The following C3orf20 variants were observed in gnomAD, a reference collection of about 807,000 sequenced individuals.
C3orf20 encodes uncharacterized protein C3orf20.
C3orf20 carries 76 observed loss-of-function variants against 88.3 expected under a neutral mutation model. That is an observed-to-expected ratio of 0.86 (90% CI 0.72 to 1.04). The LOEUF is 1.04. Among genes scored for constraint, C3orf20 ranks in the 50% least tolerant of loss-of-function variants. The pLI is 0.00. For missense variants in C3orf20, 1,056 were observed against 1,123.3 expected (o/e 0.94, Z 0.86); for synonymous variants, 436 against 437.4 (o/e 1.00, Z 0.04).
chr3:14,692,814 C>T (rs866361206), intron 5 of C3orf20, among the ~76,000 whole-genome samples: 3 of 152,140 alleles, frequency 2.0e-5, no homozygotes, highest in Non-Finnish European at 4.4e-5. Context: ...CCCACTCCAA[C>T]GTCCTGGAGA....
chr3:14,753,100 A>G (rs2035265614), intron 12 of C3orf20, among the ~76,000 whole-genome samples: 1 of 152,230 alleles, frequency 6.6e-6, no homozygotes, highest in Non-Finnish European at 1.5e-5. Context: ...GACATCCATC[A>G]ATAATAGACT....
intron 3 of C3orf20, among the ~76,000 whole-genome samples, chr3:14,683,696 T>G (rs1308885232): frequency 6.6e-6 from 1 of 151,648 alleles, no homozygotes; most frequent in South Asian, 2.1e-4. Context: ...GCCAATATGG[T>G]GAAACCCTGA....
intron 7 of C3orf20, among the ~76,000 whole-genome samples, chr3:14,709,444 T>G (rs1194465572): frequency 1.3e-5 from 2 of 152,224 alleles, no homozygotes; most frequent in African/African-American, 4.8e-5. Flanking sequence ...GTCTTGTTCT[T>G]TATATTAGAG....
In C3orf20 at chr3:14,734,494, G is replaced by A. The variant is rs113329194; in HGVS notation, c.1940+5806G>A. On this transcript the variant is annotated intron_variant, in intron 12 of 16. Coordinates refer to ENST00000253697, the MANE Select transcript of C3orf20 (RefSeq NM_032137.5). ...GTGTGTAACGTAATTATACCATTTC[G>A]GGATTGTCTAGTTATCATTTTTTCT... Among the ~76,000 whole-genome samples, 1,050 of 151,914 alleles carry A rather than the reference G, an allele frequency of 6.9e-3. 9 individuals carry two copies. The highest frequency in any genetic ancestry group is 0.023 in the African/African-American group (972 of 41,432).
intron 7 of C3orf20, 84 bp downstream of exon 7, chr3:14,704,702 C>T (rs2033427033): frequency 6.6e-7 from 1 of 1,511,586 alleles, no homozygotes; most frequent in East Asian, 2.3e-5. Flanking sequence ...TAAATGTTTC[C>T]TTGGGCCTTT....
chr3:14,764,480 T>TTTACTATTATTATTA (rs1553618273), intron 15 of C3orf20, among the ~76,000 whole-genome samples: 2 of 148,744 alleles, frequency 1.3e-5, no homozygotes, highest in South Asian at 4.3e-4. Flanking sequence ...AACACAATCG[T>TTTACTATTATTATTA]TTATTATTAT....
At position 14,721,584 on chromosome 3, in the gene C3orf20, G is replaced by C. The variant is rs147816628; in HGVS notation, c.1435-69G>C. Reference sequence around the variant, plus strand: ...GCCAACAGGGGCTTTGTGCTTCGTGGTGGGTCAGGAAGGGGTGGCTGGGGC... The same window carrying C: ...GCCAACAGGGGCTTTGTGCTTCGTGCTGGGTCAGGAAGGGGTGGCTGGGGC... On this transcript the variant is annotated intron_variant, in intron 9 of 16. Coordinates refer to ENST00000253697, the MANE Select transcript of C3orf20 (RefSeq NM_032137.5). The C allele has an allele frequency of 7.7e-4, 1,217 of 1,580,070 alleles. 13 individuals are homozygous for C. The South Asian group carries it at 8.5e-3, about 11-fold the overall frequency.
In C3orf20 at chr3:14,704,744, C is replaced by A. The variant is rs2033429005; in HGVS notation, c.1160+126C>A. On this transcript the variant is annotated intron_variant, in intron 7 of 16. Transcript: ENST00000253697. Reference sequence around the variant, plus strand: ...TCAGAGAAGCCTGGTGATGGGTCTCCTGGGTATTAAGAGCTTGTCTAGATC... The same window carrying A: ...TCAGAGAAGCCTGGTGATGGGTCTCATGGGTATTAAGAGCTTGTCTAGATC... 3 of 1,164,542 alleles carry A rather than the reference C, an allele frequency of 2.6e-6. No individual in the cohort carries two copies. The South Asian group carries it at 4.5e-5, about 17-fold the overall frequency. 72.1% of individuals were successfully genotyped at this position (1,164,542 alleles called of 1,614,324 possible). A position where few individuals can be genotyped will look rare whatever the true frequency, so the allele number is the denominator to read the frequency against.
rs1196827792 is a variant in C3orf20, at chr3:14,703,130, G to A, written c.746G>A (p.Gly249Asp). 1.2e-6 allele frequency: 2 copies of A among 1,614,046 alleles called. No individual in the cohort carries two copies. Among genetic ancestry groups the A allele is most frequent in the Admixed American group, 3.3e-5 (2 of 60,008 alleles). Residue 249 changes from glycine to aspartate, a missense_variant and splice_region_variant, in exon 6 of 17, where the codon GGC becomes GAC. Gly to Asp is a moderately conservative substitution (Grantham distance 94). Coordinates refer to ENST00000253697, the MANE Select transcript of C3orf20 (RefSeq NM_032137.5). ...CTAACTTCTTGCCCTCCAACTACAG[G>A]CAAATCTAGAACTACAGAAGATGTC... is the stretch of plus-strand genomic sequence containing the variant. ...SAGKEAKKKI[G>D]KSRTTEDVSM...
At chr3:14,753,197 A>G (rs189056009) in intron 12 of C3orf20, among the ~76,000 whole-genome samples, 76 of 152,356 alleles carry the variant, frequency 5.0e-4, no homozygotes, top group African/African-American at 1.7e-3. Context: ...AGGGACCTGG[A>G]TGAAGCTGGA....
chr3:14,763,322 G>T (rs1466126542), intron 15 of C3orf20, among the ~76,000 whole-genome samples: 1 of 152,202 alleles, frequency 6.6e-6, no homozygotes, highest in Non-Finnish European at 1.5e-5. Context: ...GGCGCCAATG[G>T]ATTTGGTGTC....
intron 10 of C3orf20, among the ~76,000 whole-genome samples, chr3:14,724,682 A>C (rs1367292374): frequency 6.6e-6 from 1 of 152,272 alleles, no homozygotes; most frequent in Non-Finnish European, 1.5e-5. Flanking sequence ...ATATGTTGAC[A>C]TACCCTATTT....
At position 14,731,864 on chromosome 3, in the gene C3orf20, A is replaced by G. The variant is rs1204097340; in HGVS notation, c.1940+3176A>G. The stretch of plus-strand genomic sequence containing the variant: ...TTTTTTTGTGTATATAATACATGGC[A>G]TGGATGGGCAAAATTTGTTTATCCA... On this transcript the variant is annotated intron_variant, in intron 12 of 16. Coordinates refer to ENST00000253697, the MANE Select transcript of C3orf20 (RefSeq NM_032137.5). Among the ~76,000 whole-genome samples the G allele has an allele frequency of 3.3e-5, 5 of 152,342 alleles. No individual in the cohort carries two copies. The East Asian group carries it at 9.6e-4, about 29-fold the overall frequency.
In C3orf20 at chr3:14,749,640, T is replaced by C. The variant is rs1005609812; in HGVS notation, c.1941-7731T>C. 3.9e-5 allele frequency among the ~76,000 whole-genome samples: 6 copies of C among 152,234 alleles called. No individual in the cohort carries two copies. In the East Asian group the frequency reaches 1.2e-3, roughly 29 times the overall value. On this transcript the variant is annotated intron_variant, in intron 12 of 16. Coordinates refer to ENST00000253697, the MANE Select transcript of C3orf20 (RefSeq NM_032137.5). The stretch of plus-strand genomic sequence containing the variant: ...ACTTCTGCCATCTTGCTGTTAGTTT[T>C]CTAGAAATCTTTCTGTTTTTCAATT...
intron 9 of C3orf20, among the ~76,000 whole-genome samples, chr3:14,720,991 G>A (rs1428883543): frequency 6.6e-6 from 1 of 152,182 alleles, no homozygotes; most frequent in Non-Finnish European, 1.5e-5. Context: ...TGTTATAAGG[G>A]CAACTCACTC....
chr3:14,755,221 TTA>T (rs2035329519), intron 12 of C3orf20, among the ~76,000 whole-genome samples: 1 of 152,174 alleles, frequency 6.6e-6, no homozygotes, highest in African/African-American at 2.4e-5. Flanking sequence ...TCATCTTTGG[TTA>T]TGATAGTTTT....
chr3:14,742,703 CA>C (rs951242742), intron 12 of C3orf20, among the ~76,000 whole-genome samples: 2 of 151,918 alleles, frequency 1.3e-5, no homozygotes, highest in African/African-American at 4.8e-5. Flanking sequence ...AAACTGGGAA[CA>C]AAAAAAGGTT....
chr3:14,683,606 G>A (rs565107757), intron 3 of C3orf20, among the ~76,000 whole-genome samples: 6 of 152,168 alleles, frequency 3.9e-5, no homozygotes, highest in East Asian at 1.9e-4. Context: ...GGCCAGGCGC[G>A]GTGGCTCACC....
chr3:14,767,666 C>T (rs116133199), intron 15 of C3orf20, among the ~76,000 whole-genome samples: 2,156 of 152,364 alleles, frequency 0.014, 55 homozygotes, highest in African/African-American at 0.048. Flanking sequence ...ACTTTGCAAA[C>T]TGTCATGAAT....
Sources: allele counts gnomAD v4.1 joint callset (sites outside exome capture counted in the v4.1 genomes callset), GRCh38; gene constraint gnomAD v4.1.1; transcripts MANE v1.5; gene names NCBI Gene and HGNC (gene_info 2026-07-23, HGNC 2026-07-21).